The following ABCE1 variants were observed in gnomAD, a reference collection of about 807,000 sequenced individuals.
The protein encoded by ABCE1 is ATP binding cassette subfamily E member 1.
In ABCE1, 22 loss-of-function variants were observed where a neutral mutation model predicts 83.4. The observed-to-expected ratio is 0.26, with a 90% CI of 0.19 to 0.38. ABCE1 has a LOEUF of 0.38. Ranked by LOEUF, ABCE1 falls within the 10% of genes least tolerant of loss-of-function variation. ABCE1 has a pLI of 1.00. For synonymous variants in ABCE1, 204 were observed against 233.7 expected, an observed-to-expected ratio of 0.87 and a Z score of 1.16; for missense variants, 330 against 721.9, an observed-to-expected ratio of 0.46 and a Z score of 6.22.
intron 8 of ABCE1, among the ~76,000 whole-genome samples, chr4:145,111,738 T>C (rs1275946353): frequency 6.6e-6 from 1 of 152,166 alleles, no homozygotes; most frequent in Admixed American, 6.5e-5. Context: ...CACTGTGGCA[T>C]GCCATGTGAA....
intron 13 of ABCE1, 53 bp downstream of exon 13, chr4:145,121,444 A>G (rs569639907): frequency 6.2e-4 from 805 of 1,297,772 alleles, no homozygotes; most frequent in Non-Finnish European, 8.3e-4. Flanking sequence ...ATATATGCCT[A>G]TAGCTTTCAT....
chr4:145,127,515 T>C lies in ABCE1; in HGVS notation c.1753-11T>C. 1 of 1,583,152 alleles carries C rather than the reference T, an allele frequency of 6.3e-7. No individual in the cohort carries two copies. Among genetic ancestry groups the C allele is most frequent in the East Asian group, 2.3e-5 (1 of 43,432 alleles). ...GTTGCTGATTTTTGTGGCTTCTGTT[T>C]TCTTTTTTAGGATGTAGAACAAAAG... On this transcript the variant is annotated splice_polypyrimidine_tract_variant and intron_variant, in intron 17 of 17. Transcript: ENST00000296577.
At chr4:145,121,710 A>AAAGT (rs1749750614) in intron 13 of ABCE1, 1 of 215,220 alleles carries the variant, frequency 4.6e-6, no homozygotes, top group Admixed American at 5.4e-5. Context: ...TGTCTCTACT[A>AAAGT]AAACTACAAA....
intron 9 of ABCE1, among the ~76,000 whole-genome samples, chr4:145,114,777 T>A (rs922793374): frequency 2.0e-5 from 3 of 152,010 alleles, no homozygotes; most frequent in Non-Finnish European, 4.4e-5. Flanking sequence ...CAGATTGGCA[T>A]GACAACGTAG....
At position 145,110,169 on chromosome 4, in the gene ABCE1, A is replaced by G. The variant is rs771142522; in HGVS notation, c.472A>G (p.Lys158Glu). 1.9e-6 allele frequency: 3 copies of G among 1,607,810 alleles called. No homozygotes were observed. Among genetic ancestry groups the G allele is most frequent in the Non-Finnish European group, 2.5e-6 (3 of 1,178,204 alleles). Residue 158 changes from lysine (K) to glutamate (E), a missense_variant, in exon 6 of 18, where the codon AAG becomes GAG. Physicochemically the swap from Lys to Glu is moderately conservative, Grantham distance 56. Coordinates refer to ENST00000296577, the MANE Select transcript of ABCE1 (RefSeq NM_002940.3). ...RGSELQNYFT[K>E]ILEDDLKAII... is the part of the protein sequence containing the mutation. ...ATCTGAATTACAAAATTACTTTACA[A>G]AGATTCTAGAAGATGACCTAAAAGC...
At position 145,109,165 on chromosome 4, in the gene ABCE1, A is replaced by T. The variant is rs1749392579; in HGVS notation, c.321A>T (p.Gly107=). The T allele has an allele frequency of 6.2e-7, 1 of 1,612,560 alleles. No individual in the cohort carries two copies. Among genetic ancestry groups the T allele is most frequent in the Non-Finnish European group, 8.5e-7 (1 of 1,179,512 alleles). The change falls in exon 5 of 18, where the codon GGA becomes GGT. Residue 107 remains glycine, a synonymous_variant. Transcript: ENST00000296577. ...LPIPRPGEVL[G]LVGTNGIGKS... ...TCCCTCGTCCAGGTGAAGTTTTGGGATTAGTTGGAACTAATGGTATTGGAA... is the reference window on the plus strand; with the variant it reads ...TCCCTCGTCCAGGTGAAGTTTTGGGTTTAGTTGGAACTAATGGTATTGGAA...
chr4:145,112,367 T>C lies in ABCE1; in HGVS notation c.800+39T>C, dbSNP rs1193069055. ...TGGCATATTACTGTGTTGTTTTGTT[T>C]GGAGATTTTTACAGATTTCTAAGGA... On this transcript the variant is annotated intron_variant, in intron 9 of 17. Transcript: ENST00000296577. 4 of 1,364,630 alleles carry C rather than the reference T, an allele frequency of 2.9e-6. No homozygotes were observed. In the South Asian group the frequency reaches 5.3e-5, roughly 18 times the overall value. The allele number at this position is 1,364,630 out of a possible 1,614,324, so 84.5% of individuals were successfully genotyped here.
At chr4:145,120,232 T>C (rs1460100955) in intron 11 of ABCE1, 79 bp downstream of exon 11, 3 of 1,240,914 alleles carry the variant, frequency 2.4e-6, no homozygotes, top group African/African-American at 3.1e-5. Context: ...GTGGAAAAAT[T>C]TGAATCATAT....
intron 13 of ABCE1, chr4:145,122,098 C>T (rs1485115773): frequency 6.6e-6 from 1 of 152,104 alleles, no homozygotes; most frequent in African/African-American, 2.4e-5. Flanking sequence ...AGTTATTCAG[C>T]CATAAAAAGA....
At position 145,108,004 on chromosome 4, in the gene ABCE1, TTAAA is replaced by T; in HGVS notation, c.190-7_190-4del. 1 of 1,602,222 alleles carries T rather than the reference TTAAA, an allele frequency of 6.2e-7. No individual in the cohort carries two copies. The highest frequency in any genetic ancestry group is 8.5e-7 in the Non-Finnish European group (1 of 1,175,498). ...TTAATACAAAAATTAATTCTTTACT[TTAAA>T]TAACAGAAATGCCCCTTTGGCGCCT... On this transcript the variant is annotated splice_polypyrimidine_tract_variant and splice_region_variant and intron_variant, in intron 3 of 17. Transcript: ENST00000296577.
At chr4:145,107,108 G>A (rs1749327805) in intron 3 of ABCE1, among the ~76,000 whole-genome samples, 1 of 151,972 alleles carries the variant, frequency 6.6e-6, no homozygotes, top group African/African-American at 2.4e-5. Flanking sequence ...TGCTGTTCTT[G>A]TTCCTTGGAC....
Position 145,119,990 on chromosome 4 carries a change from A to G in ABCE1, c.981A>G (p.Ala327=). ...CAGAAAACTTGAGATTCAGAGATGCATCACTTGTTTTTAAAGTGGCTGAGA... is the reference window on the plus strand; with the variant it reads ...CAGAAAACTTGAGATTCAGAGATGCGTCACTTGTTTTTAAAGTGGCTGAGA... ...VPTENLRFRD[A]SLVFKVAETA... Residue 327 remains alanine, a synonymous_variant, in exon 11 of 18, where the codon GCA becomes GCG. Coordinates refer to ENST00000296577, the MANE Select transcript of ABCE1 (RefSeq NM_002940.3). 1.2e-6 allele frequency: 2 copies of G among 1,612,856 alleles called. No homozygotes were observed. The highest frequency in any genetic ancestry group is 1.7e-6 in the Non-Finnish European group (2 of 1,179,240).
At chr4:145,108,992 A>G (rs1036875156) in intron 4 of ABCE1, 140 bp from the exon 5 acceptor site, 2 of 597,440 alleles carry the variant, frequency 3.3e-6, no homozygotes, top group Non-Finnish European at 5.8e-6. Context: ...CCTAATAGCC[A>G]GTAATATCTG....
intron 7 of ABCE1, 72 bp from the exon 8 acceptor site, chr4:145,110,896 A>T: frequency 9.6e-6 from 9 of 938,934 alleles, no homozygotes; most frequent in Non-Finnish European, 1.5e-5. Flanking sequence ...ACTTCAAATG[A>T]TGACATGCAG....
In ABCE1 at chr4:145,111,053, G is replaced by A; in HGVS notation, c.699G>A (p.Gln233=). The change falls in exon 8 of 18, where the codon CAG becomes CAA. Residue 233 remains glutamine (Q), a synonymous_variant. Coordinates refer to ENST00000296577, the MANE Select transcript of ABCE1 (RefSeq NM_002940.3). The stretch of plus-strand genomic sequence containing the variant: ...TTGCTTGTGCTGTCGTTTGCATACA[G>A]AAAGCTGATATGTAGGTTACTTTAC... The part of the protein sequence containing the change: ...QRFACAVVCI[Q]KADIFMFDEP... 1 of 1,610,138 alleles carries A rather than the reference G, an allele frequency of 6.2e-7. No individual in the cohort carries two copies. The highest frequency in any genetic ancestry group is 8.5e-7 in the Non-Finnish European group (1 of 1,178,096).
At chr4:145,114,384 A>T (rs911355526) in intron 9 of ABCE1, among the ~76,000 whole-genome samples, 1 of 152,138 alleles carries the variant, frequency 6.6e-6, no homozygotes, top group Non-Finnish European at 1.5e-5. Flanking sequence ...GTATTTTTAT[A>T]GTCCCTTTTT....
At chr4:145,100,926 T>A (rs1179451374) in intron 1 of ABCE1, among the ~76,000 whole-genome samples, 1 of 152,158 alleles carries the variant, frequency 6.6e-6, no homozygotes, top group African/African-American at 2.4e-5. Context: ...GTTCAGCCAC[T>A]GGAATGAACA....
intron 9 of ABCE1, among the ~76,000 whole-genome samples, chr4:145,114,945 A>G (rs1341626806): frequency 6.6e-6 from 1 of 152,030 alleles, no homozygotes. Flanking sequence ...CTTTAATGCC[A>G]TAAAAAGATT....
rs1165991061 is a variant in ABCE1 at position 145,129,034 on chromosome 4, G to A, written c.*1461G>A. ...TTTTTCTGTGCACTTACCTAAGTGT[G>A]AATATGTAAAGGGTTTGTTTTGTAT... On this transcript the variant is annotated 3_prime_UTR_variant, in exon 18 of 18. Transcript: ENST00000296577. 6.6e-6 allele frequency: 1 copy of A among 152,138 alleles called. No homozygotes were observed. Among genetic ancestry groups the A allele is most frequent in the African/African-American group, 2.4e-5 (1 of 41,422 alleles). 9.4% of individuals were successfully genotyped at this position (152,138 alleles called of 1,614,324 possible).
Sources: allele counts gnomAD v4.1 joint callset (sites outside exome capture counted in the v4.1 genomes callset), GRCh38; gene constraint gnomAD v4.1.1; transcripts MANE v1.5; gene names NCBI Gene and HGNC (gene_info 2026-07-23, HGNC 2026-07-21).